Variants in LINGO2 observed in about 807,000 individuals in gnomAD.
LINGO2 encodes the protein leucine-rich repeat and immunoglobulin-like domain-containing nogo receptor-interacting protein 2.
A neutral mutation model predicts 30.6 loss-of-function variants in LINGO2; 14 were observed. The observed-to-expected ratio is 0.46, with a 90% confidence interval of 0.30 to 0.72. The LOEUF (loss-of-function observed/expected upper bound fraction) is 0.72. Among genes scored for constraint, LINGO2 ranks in the 30% least tolerant of loss-of-function variants. The pLI is 0.07. For missense variants in LINGO2, 729 were observed against 751.7 expected (o/e 0.97, Z 0.35); for synonymous variants, 317 against 288.5 (o/e 1.10, Z -1.00).
chr9:28,714,998 A>C, the LINGO2 span, among the ~76,000 whole-genome samples: 1 of 152,148 alleles, frequency 6.6e-6, no homozygotes, highest in African/African-American at 2.4e-5. Flanking sequence ...CTATGAGTCC[A>C]TCTGTATCTT....
the LINGO2 span, among the ~76,000 whole-genome samples, chr9:29,058,053 T>TA: frequency 6.6e-6 from 1 of 151,952 alleles, no homozygotes; most frequent in South Asian, 2.1e-4. Flanking sequence ...AAGGTAAACA[T>TA]ACAATCAAAA....
chr9:28,337,496 A>G (rs1048971537), intron 3 of LINGO2, among the ~76,000 whole-genome samples: 1 of 152,208 alleles, frequency 6.6e-6, no homozygotes, highest in Non-Finnish European at 1.5e-5. Flanking sequence ...GCCAAATTTT[A>G]TCACCAATAC....
At chr9:29,007,646 A>G in the LINGO2 span, among the ~76,000 whole-genome samples, 1 of 152,126 alleles carries the variant, frequency 6.6e-6, no homozygotes, top group East Asian at 1.9e-4. Context: ...GCCCTCAACC[A>G]ATACTCTCAG....
chr9:28,401,214 T>A (rs1237198806), intron 2 of LINGO2, among the ~76,000 whole-genome samples: 1 of 152,142 alleles, frequency 6.6e-6, no homozygotes, highest in East Asian at 1.9e-4. Flanking sequence ...ACTGTACAGA[T>A]TTGTTACATA....
chr9:28,321,695 G>A (rs1426775770), intron 3 of LINGO2, among the ~76,000 whole-genome samples: 1 of 152,138 alleles, frequency 6.6e-6, no homozygotes, highest in Non-Finnish European at 1.5e-5. Context: ...ACATGAACAG[G>A]CTTCAAACAT....
At chr9:29,170,593 TA>T in the LINGO2 span, among the ~76,000 whole-genome samples, 2 of 151,792 alleles carry the variant, frequency 1.3e-5, no homozygotes, top group South Asian at 2.1e-4. Flanking sequence ...CTATAAAAAT[TA>T]AAAAAAGAAA....
rs1825329955 is a variant in LINGO2 at position 28,066,928 on chromosome 9, C to T, written c.-86-54523G>A. On this transcript the variant is annotated intron_variant, in intron 4 of 5. Coordinates refer to ENST00000379992, the Ensembl canonical transcript of LINGO2. ...ATTTCTTCTTAACTTCTACTGTGTGCCTAGTTACAGGCTATATTCAAAAGC... is the reference window on the plus strand; with the variant it reads ...ATTTCTTCTTAACTTCTACTGTGTGTCTAGTTACAGGCTATATTCAAAAGC... Among the ~76,000 whole-genome samples, 2 of 151,956 alleles carry T rather than the reference C, an allele frequency of 1.3e-5. 1 individual carries two copies. The highest frequency in any genetic ancestry group is 4.1e-4 in the South Asian group (2 of 4,820).
the LINGO2 span, among the ~76,000 whole-genome samples, chr9:28,777,337 C>A: frequency 6.6e-6 from 1 of 152,148 alleles, no homozygotes; most frequent in South Asian, 2.1e-4. Context: ...GAAACAATAC[C>A]TCTAAAACTG....
intron 1 of LINGO2, among the ~76,000 whole-genome samples, chr9:28,553,995 G>T (rs939783068): frequency 1.3e-5 from 2 of 152,208 alleles, no homozygotes; most frequent in African/African-American, 4.8e-5. Flanking sequence ...GCTGCTGAAG[G>T]AAGCGCTAAA....
the LINGO2 span, among the ~76,000 whole-genome samples, chr9:28,761,463 T>A: frequency 3.5e-5 from 5 of 142,442 alleles, no homozygotes; most frequent in Non-Finnish European, 7.7e-5. Context: ...AAGGGCAGGC[T>A]CATGTGAAAA....
chr9:28,837,717 T>C, the LINGO2 span, among the ~76,000 whole-genome samples: 20 of 135,248 alleles, frequency 1.5e-4, no homozygotes, highest in Admixed American at 5.5e-4. Context: ...GTGCAGTGCC[T>C]ACAAGCCTCC....
chr9:28,438,084 G>A (rs1392663554), intron 2 of LINGO2, among the ~76,000 whole-genome samples: 1 of 152,090 alleles, frequency 6.6e-6, no homozygotes, highest in African/African-American at 2.4e-5. Flanking sequence ...CAAAGGCCTA[G>A]GGCTTTCATG....
At position 28,125,165 on chromosome 9, in the gene LINGO2, G is replaced by A. The variant is rs115845018; in HGVS notation, c.-86-112760C>T. On this transcript the variant is annotated intron_variant, in intron 4 of 5. Coordinates refer to ENST00000379992, the Ensembl canonical transcript of LINGO2. ...GGATAGTGTAAGGAAGAAGAAAAAT[G>A]TGTGTGCATTGGCTATTTGGCTAAA... Among the ~76,000 whole-genome samples the A allele has an allele frequency of 7.6e-3, 1,157 of 152,324 alleles. 9 individuals are homozygous for A. The highest frequency in any genetic ancestry group is 0.026 in the African/African-American group (1,095 of 41,584).
At chr9:29,159,914 T>C in the LINGO2 span, among the ~76,000 whole-genome samples, 2 of 152,138 alleles carry the variant, frequency 1.3e-5, no homozygotes, top group Middle Eastern at 3.4e-3. Flanking sequence ...ACCTAACATG[T>C]AGGGTTTACT....
the LINGO2 span, among the ~76,000 whole-genome samples, chr9:29,140,225 T>G: frequency 6.6e-6 from 1 of 151,932 alleles, no homozygotes. Flanking sequence ...TCTCCAGATT[T>G]TAACCTTCAA....
At chr9:28,682,209 G>A in the LINGO2 span, among the ~76,000 whole-genome samples, 7 of 152,122 alleles carry the variant, frequency 4.6e-5, no homozygotes, top group Non-Finnish European at 7.3e-5. Flanking sequence ...CAATGACACT[G>A]TTCAGTCACT....
At chr9:29,136,617 T>C in the LINGO2 span, among the ~76,000 whole-genome samples, 1 of 152,198 alleles carries the variant, frequency 6.6e-6, no homozygotes, top group East Asian at 1.9e-4. Context: ...TCCTCCTTTC[T>C]GGATGGTTCT....
chr9:28,560,770 G>A (rs967942253), intron 1 of LINGO2, among the ~76,000 whole-genome samples: 1 of 151,782 alleles, frequency 6.6e-6, no homozygotes, highest in African/African-American at 2.4e-5. Flanking sequence ...CAGCTCAAGC[G>A]ATCCTCTCAC....
chr9:28,266,132 C>T (rs1822742361), intron 4 of LINGO2, among the ~76,000 whole-genome samples: 1 of 151,936 alleles, frequency 6.6e-6, no homozygotes, highest in Admixed American at 6.6e-5. Context: ...TTTCAAGATG[C>T]TTCCGAAGTT....
Sources: allele counts gnomAD v4.1 joint callset (sites outside exome capture counted in the v4.1 genomes callset), GRCh38; gene constraint gnomAD v4.1.1; transcripts MANE v1.5; gene names NCBI Gene and HGNC (gene_info 2026-07-23, HGNC 2026-07-21).